The following BANP variants were observed in gnomAD, a reference collection of about 807,000 sequenced individuals.
BANP encodes the protein BTG3 associated nuclear protein.
In BANP, 11 loss-of-function variants were observed where a neutral mutation model predicts 68.1. The ratio of observed to expected loss-of-function variants is 0.16; its 90% CI spans 0.10 to 0.27. The LOEUF is 0.27. BANP is among the 10% of genes least tolerant of loss of function. The pLI is 1.00. For missense variants in BANP, 504 were observed against 722.7 expected (o/e 0.70, Z 3.47); for synonymous variants, 329 against 303.2 (o/e 1.09, Z -0.88).
chr16:88,056,322 C>G (rs945400379), intron 11 of BANP, among the ~76,000 whole-genome samples: 19 of 152,184 alleles, frequency 1.2e-4, no homozygotes, highest in Non-Finnish European at 1.5e-5. Flanking sequence ...AATAGGTGTA[C>G]TAATTTGAGG....
At chr16:88,006,815 G>A (rs1316491048) in intron 6 of BANP, among the ~76,000 whole-genome samples, 1 of 151,412 alleles carries the variant, frequency 6.6e-6, no homozygotes, top group East Asian at 1.9e-4. Flanking sequence ...AGTTGGGCAC[G>A]GTGACAGGTG....
At chr16:87,976,332 T>C (rs1292007768) in intron 2 of BANP, among the ~76,000 whole-genome samples, 1 of 152,236 alleles carries the variant, frequency 6.6e-6, no homozygotes, top group Non-Finnish European at 1.5e-5. Context: ...CTTTTAAAAA[T>C]GGTGTTAAAG....
chr16:87,995,019 G>A (rs1418509527), intron 4 of BANP, among the ~76,000 whole-genome samples: 1 of 123,924 alleles, frequency 8.1e-6, no homozygotes, highest in Non-Finnish European at 1.7e-5. Context: ...CTTCTATCAT[G>A]TGCTCACCTT....
intron 1 of BANP, among the ~76,000 whole-genome samples, chr16:87,954,832 C>T (rs1366720377): frequency 6.6e-6 from 1 of 152,246 alleles, no homozygotes; most frequent in Admixed American, 6.5e-5. Context: ...GAGGAGGTCA[C>T]CCGTACGGCC....
At chr16:87,968,732 G>A (rs1028729464) in intron 1 of BANP, among the ~76,000 whole-genome samples, 1 of 152,072 alleles carries the variant, frequency 6.6e-6, no homozygotes, top group South Asian at 2.1e-4. Context: ...GAGCAGCTCC[G>A]AAGGCTGAGC....
chr16:87,998,594 C>T (rs1330357251), intron 4 of BANP, among the ~76,000 whole-genome samples: 1 of 92,412 alleles, frequency 1.1e-5, no homozygotes, highest in East Asian at 2.6e-4. Context: ...ACCTGTCCTT[C>T]CAGACACGTC....
chr16:87,992,507 A>G (rs2066108888), intron 4 of BANP, among the ~76,000 whole-genome samples: 1 of 152,174 alleles, frequency 6.6e-6, no homozygotes, highest in Non-Finnish European at 1.5e-5. Context: ...TAATAAATAT[A>G]GAACTGCCAG....
intron 11 of BANP, among the ~76,000 whole-genome samples, chr16:88,048,356 A>G (rs539502671): frequency 4.5e-4 from 69 of 152,348 alleles, no homozygotes; most frequent in Admixed American, 2.5e-3. Flanking sequence ...CAGACACGAT[A>G]TGGGAGGTTG....
At position 87,967,839 on chromosome 16, in the gene BANP, T is replaced by C. The variant is rs1336583856; in HGVS notation, c.-68-7209T>C. On this transcript the variant is annotated intron_variant, in intron 1 of 13. Transcript: ENST00000682872. Reference sequence around the variant, plus strand: ...CGTTTCACCATGTTGGTTAGGCTGGTCTCGAACTCTCGACCTCATGATCTG... The same window carrying C: ...CGTTTCACCATGTTGGTTAGGCTGGCCTCGAACTCTCGACCTCATGATCTG... 8.6e-5 allele frequency among the ~76,000 whole-genome samples: 13 copies of C among 151,890 alleles called. No individual in the cohort carries two copies. The East Asian group carries it at 2.5e-3, about 30-fold the overall frequency.
chr16:87,977,141 A>G (rs2062306947), intron 2 of BANP, among the ~76,000 whole-genome samples: 1 of 152,224 alleles, frequency 6.6e-6, no homozygotes, highest in Non-Finnish European at 1.5e-5. Flanking sequence ...TCAGCCAGGC[A>G]TGGTGGCTCA....
intron 4 of BANP, among the ~76,000 whole-genome samples, chr16:87,985,230 C>A: frequency 6.6e-6 from 1 of 152,330 alleles, no homozygotes; most frequent in South Asian, 2.1e-4. Context: ...AGTGGTGCCT[C>A]TTTGAACTCT....
At chr16:88,055,528 G>A (rs1038054999) in intron 11 of BANP, among the ~76,000 whole-genome samples, 1 of 152,138 alleles carries the variant, frequency 6.6e-6, no homozygotes, top group African/African-American at 2.4e-5. Flanking sequence ...GAAGGCTTCA[G>A]AATCTTTTTC....
At chr16:87,994,580 C>T (rs62047825) in intron 4 of BANP, among the ~76,000 whole-genome samples, 1 of 152,318 alleles carries the variant, frequency 6.6e-6, no homozygotes, top group African/African-American at 2.4e-5. Flanking sequence ...TTAGGAAGAA[C>T]ATTTTAATGC....
chr16:88,072,182 G>T lies in BANP; in HGVS notation c.1491G>T (p.Ala497=). 1 of 1,611,076 alleles carries T rather than the reference G, an allele frequency of 6.2e-7. No homozygotes were observed. The highest frequency in any genetic ancestry group is 8.5e-7 in the Non-Finnish European group (1 of 1,179,642). The change falls in exon 13 of 14, where the codon GCG becomes GCT. Residue 497 remains alanine (A), a synonymous_variant. Transcript: ENST00000682872. ...TCCAGGTTCAGTACGTGCAGCTGGC[G>T]CCAGTGAGTGACCACACGGCCGGGG... ...SDIQVQYVQL[A]PVSDHTAGAQ...
chr16:88,057,404 C>T lies in BANP; in HGVS notation c.1312-7863C>T, dbSNP rs563428814. On this transcript the variant is annotated intron_variant, in intron 11 of 13. Transcript: ENST00000682872. The surrounding 1 kb of genome is among the most constrained non-coding windows in gnomAD (Gnocchi z 4.6). ...TTACTGCTGCACCAGGATTCCTGGC[C>T]TCCAGAGGAAGGATGGTGGCTGAAG... is the stretch of plus-strand genomic sequence containing the variant. 6.6e-6 allele frequency among the ~76,000 whole-genome samples: 1 copy of T among 152,210 alleles called. No individual in the cohort carries two copies. The highest frequency in any genetic ancestry group is 2.1e-4 in the South Asian group (1 of 4,816).
At chr16:88,051,856 A>C (rs765500650) in intron 11 of BANP, among the ~76,000 whole-genome samples, 2 of 152,226 alleles carry the variant, frequency 1.3e-5, no homozygotes, top group African/African-American at 4.8e-5. Flanking sequence ...ATCTAGATTT[A>C]AAAAATCCAG....
chr16:88,005,224 AG>A (rs977485269), intron 5 of BANP, among the ~76,000 whole-genome samples: 1 of 152,164 alleles, frequency 6.6e-6, no homozygotes, highest in African/African-American at 2.4e-5. Context: ...GCTGTGCCTC[AG>A]GGGCTTTGCA....
At chr16:88,008,952 T>C (rs1048417003) in intron 6 of BANP, among the ~76,000 whole-genome samples, 5 of 152,250 alleles carry the variant, frequency 3.3e-5, no homozygotes, top group African/African-American at 1.2e-4. Flanking sequence ...TCCTTGGGAA[T>C]GTATATCCCA....
At position 87,956,603 on chromosome 16, in the gene BANP, G is replaced by C. The variant is rs149426238; in HGVS notation, c.-69+5088G>C. The C allele has an allele frequency of 9.8e-5, 15 of 152,380 alleles. No homozygotes were observed. The East Asian group carries it at 1.5e-3, about 16-fold the overall frequency. The allele number at this position is 152,380 out of a possible 1,614,324, so 9.4% of individuals were successfully genotyped here. On this transcript the variant is annotated intron_variant, in intron 1 of 13. Coordinates refer to ENST00000682872, the MANE Select transcript of BANP (RefSeq NM_001386991.1). The stretch of plus-strand genomic sequence containing the variant: ...CTGGGGCCCTTCAGCCCCTGCAGGA[G>C]AAGAATGGGGCGAGTGATTGGTACG...
Sources: allele counts gnomAD v4.1 joint callset (sites outside exome capture counted in the v4.1 genomes callset), GRCh38; gene constraint gnomAD v4.1.1; non-coding constraint Gnocchi (gnomAD v3.1); transcripts MANE v1.5; gene names NCBI Gene and HGNC (gene_info 2026-07-23, HGNC 2026-07-21).